The following KCNJ6 variants were observed in gnomAD, a reference collection of about 807,000 sequenced individuals.
KCNJ6 encodes the protein potassium inwardly rectifying channel subfamily J member 6, also known as G protein-activated inward rectifier potassium channel 2.
A neutral mutation model predicts 34.2 loss-of-function variants in KCNJ6; 9 were observed. The observed-to-expected ratio is 0.26, with a 90% CI of 0.16 to 0.46. The LOEUF is 0.46. Ranked by LOEUF, KCNJ6 falls within the 20% of genes least tolerant of loss-of-function variation. The pLI is 1.00. For synonymous variants in KCNJ6, 196 were observed against 207.1 expected (o/e 0.95, Z 0.46); for missense variants, 236 against 531.3 (o/e 0.44, Z 5.46).
intron 3 of KCNJ6, among the ~76,000 whole-genome samples, chr21:37,697,020 T>C (rs2123433146): frequency 6.6e-6 from 1 of 152,326 alleles, no homozygotes; most frequent in South Asian, 2.1e-4. Flanking sequence ...AACTCTCCTG[T>C]GGTTTGGATC....
At chr21:37,684,592 T>C (rs2054605125) in intron 3 of KCNJ6, among the ~76,000 whole-genome samples, 1 of 152,252 alleles carries the variant, frequency 6.6e-6, no homozygotes, top group Non-Finnish European at 1.5e-5. Context: ...ACAGTTACCC[T>C]AGCCTAAGGT....
chr21:37,734,612 G>A (rs2054903412), intron 2 of KCNJ6, among the ~76,000 whole-genome samples: 1 of 152,142 alleles, frequency 6.6e-6, no homozygotes, highest in Admixed American at 6.5e-5. Context: ...CAGCTGTCAT[G>A]AGCTGATACG....
At chr21:37,854,035 CAA>C in intron 1 of KCNJ6, among the ~76,000 whole-genome samples, 1 of 149,656 alleles carries the variant, frequency 6.7e-6, no homozygotes. Flanking sequence ...AATCACAAAA[CAA>C]AAAACAAATA....
chr21:37,692,869 G>C (rs910822022), intron 3 of KCNJ6, among the ~76,000 whole-genome samples: 1 of 152,152 alleles, frequency 6.6e-6, no homozygotes, highest in African/African-American at 2.4e-5. Flanking sequence ...AACTTAGAGC[G>C]AAAGGGTAGC....
At chr21:37,867,307 C>G (rs1028460150) in intron 1 of KCNJ6, among the ~76,000 whole-genome samples, 19 of 152,190 alleles carry the variant, frequency 1.2e-4, no homozygotes, top group African/African-American at 4.6e-4. Context: ...CAGCATCGCA[C>G]TCAGAGTCAG....
chr21:37,783,630 C>A (rs1209477530), intron 2 of KCNJ6, among the ~76,000 whole-genome samples: 2 of 152,182 alleles, frequency 1.3e-5, no homozygotes, highest in Non-Finnish European at 2.9e-5. Context: ...AACCTGAATA[C>A]CTGGAATTCT....
chr21:37,866,426 G>A (rs2055623016), intron 1 of KCNJ6, among the ~76,000 whole-genome samples: 1 of 152,220 alleles, frequency 6.6e-6, no homozygotes, highest in Admixed American at 6.5e-5. Context: ...ATAGATGGAT[G>A]GAAGGAGGAA....
chr21:37,670,088 C>G (rs2054534831), intron 3 of KCNJ6, among the ~76,000 whole-genome samples: 1 of 152,144 alleles, frequency 6.6e-6, no homozygotes, highest in Non-Finnish European at 1.5e-5. Context: ...ATGTATATAT[C>G]TAGTTGTCCC....
intron 2 of KCNJ6, among the ~76,000 whole-genome samples, chr21:37,831,060 C>T (rs529258411): frequency 6.6e-6 from 1 of 152,150 alleles, no homozygotes; most frequent in African/African-American, 2.4e-5. Context: ...CGGGAAGCCC[C>T]CCTTGCATGG....
At chr21:37,897,765 C>A (rs142327165) in intron 1 of KCNJ6, among the ~76,000 whole-genome samples, 1 of 152,190 alleles carries the variant, frequency 6.6e-6, no homozygotes, top group Non-Finnish European at 1.5e-5. Context: ...ACTGGACAAT[C>A]GCATGTGTCC....
chr21:37,846,482 T>C (rs1012724515), intron 1 of KCNJ6, among the ~76,000 whole-genome samples: 33 of 151,544 alleles, frequency 2.2e-4, no homozygotes, highest in Admixed American at 2.1e-3. Context: ...AGGGTTTTTT[T>C]CTGCTGCATG....
intron 2 of KCNJ6, among the ~76,000 whole-genome samples, chr21:37,767,002 T>G (rs373563534): frequency 6.6e-6 from 1 of 152,106 alleles, no homozygotes; most frequent in Non-Finnish European, 1.5e-5. Context: ...TGTGGAAAAA[T>G]TGTCTTCCAC....
chr21:37,884,948 C>T (rs2055728044), intron 1 of KCNJ6, among the ~76,000 whole-genome samples: 1 of 152,226 alleles, frequency 6.6e-6, no homozygotes, highest in South Asian at 2.1e-4. Flanking sequence ...GCCTCCTTTG[C>T]CTTCAATGCT....
chr21:37,667,022 G>A (rs945667549), intron 3 of KCNJ6, among the ~76,000 whole-genome samples: 17 of 151,510 alleles, frequency 1.1e-4, no homozygotes, highest in Admixed American at 2.0e-4. Flanking sequence ...GTGGAAGGCC[G>A]CAGGGACCAC....
chr21:37,686,520 T>G (rs7280150), intron 3 of KCNJ6, among the ~76,000 whole-genome samples: 75,304 of 136,626 alleles, frequency 0.55, 20,308 homozygotes, highest in Middle Eastern at 0.61. Flanking sequence ...CAGGCTGGAG[T>G]GCAGTGGTGC....
At chr21:37,784,215 C>T (rs148317569) in intron 2 of KCNJ6, among the ~76,000 whole-genome samples, 29 of 152,268 alleles carry the variant, frequency 1.9e-4, no homozygotes, top group African/African-American at 6.3e-4. Flanking sequence ...AATAGGGCAC[C>T]GATTTTTCCA....
chr21:37,831,051 G>A (rs3787841), intron 2 of KCNJ6, among the ~76,000 whole-genome samples: 39,679 of 152,098 alleles, frequency 0.26, 6,926 homozygotes, highest in East Asian at 0.49. Flanking sequence ...CAGGCAAGGC[G>A]GGAAGCCCCC....
In KCNJ6 at chr21:37,714,641, T is replaced by G; in HGVS notation, c.516A>C (p.Leu172Phe). Reference protein sequence around the residue: ...DKCPEGIILLLIQSVLGSIVN... With the variant: ...DKCPEGIILLFIQSVLGSIVN... Reference sequence around the variant, plus strand: ...CAATGGACCCCAACACAGATTGGATTAAGAGAAGAATAATTCCCTCTGGGC... The same window carrying G: ...CAATGGACCCCAACACAGATTGGATGAAGAGAAGAATAATTCCCTCTGGGC... The change falls in exon 3 of 4, where the codon TTA becomes TTC. Residue 172 changes from leucine to phenylalanine, a missense_variant. By Grantham distance (22) the Leu-to-Phe change is conservative (BLOSUM62 0). This residue lies in a region of KCNJ6 where 68 missense variants were observed against 165.7 expected (regional missense o/e 0.41). Coordinates refer to ENST00000609713, the MANE Select transcript of KCNJ6 (RefSeq NM_002240.5). The surrounding 1 kb of genome is among the most constrained non-coding windows in gnomAD (Gnocchi z 5.9). 1 of 1,614,094 alleles carries G rather than the reference T, an allele frequency of 6.2e-7. No homozygotes were observed. The highest frequency in any genetic ancestry group is 8.5e-7 in the Non-Finnish European group (1 of 1,180,008).
chr21:37,763,574 C>T (rs1295394386), intron 2 of KCNJ6, among the ~76,000 whole-genome samples: 3 of 152,200 alleles, frequency 2.0e-5, no homozygotes, highest in Non-Finnish European at 4.4e-5. Flanking sequence ...CTGGCCCTCT[C>T]AGTGACTGTG....
Sources: allele counts gnomAD v4.1 joint callset (sites outside exome capture counted in the v4.1 genomes callset), GRCh38; gene constraint gnomAD v4.1.1; regional missense constraint gnomAD v4.1.1; non-coding constraint Gnocchi (gnomAD v3.1); transcripts MANE v1.5; gene names NCBI Gene and HGNC (gene_info 2026-07-23, HGNC 2026-07-21).